MRPS7: variants seen among roughly 807,000 people sequenced by gnomAD.
MRPS7 encodes the protein small ribosomal subunit protein uS7m.
In MRPS7, 13 loss-of-function variants were observed where a neutral mutation model predicts 26.2. The ratio of observed to expected loss-of-function variants is 0.50; its 90% CI spans 0.32 to 0.79. The LOEUF is 0.79. Ranked by LOEUF, MRPS7 falls within the 30% of genes least tolerant of loss-of-function variation. The pLI, the probability that MRPS7 is intolerant of heterozygous loss-of-function variation, is 0.03. For missense variants in MRPS7, 318 were observed against 312.2 expected (o/e 1.02, Z -0.14); for synonymous variants, 129 against 113.3 (o/e 1.14, Z -0.88).
intron 1 of MRPS7, 138 bp from the exon 2 acceptor site, chr17:75,262,359 G>A (rs777200157): frequency 1.5e-5 from 14 of 944,936 alleles, no homozygotes; most frequent in Non-Finnish European, 1.9e-5. Context: ...GGCCTGAATT[G>A]TTGTGGCTCA....
At position 75,265,936 on chromosome 17, in the gene MRPS7, G is replaced by C; in HGVS notation, c.*13G>C. 1 of 1,611,810 alleles carries C rather than the reference G, an allele frequency of 6.2e-7. No homozygotes were observed. The highest frequency in any genetic ancestry group is 8.5e-7 in the Non-Finnish European group (1 of 1,178,978). On this transcript the variant is annotated 3_prime_UTR_variant, in exon 5 of 5. Coordinates refer to ENST00000245539, the MANE Select transcript of MRPS7 (RefSeq NM_015971.4). ...CCGCTGGTGGTAGAGTCTCCAGGAG[G>C]AGCCCAGGGCCCTCTGCCGCAAGAA...
rs907472360 is a variant in MRPS7 at position 75,261,935 on chromosome 17, G to A, written c.35G>A (p.Trp12Ter). The part of the protein sequence containing the change: ...AAPAVKVARG[W>*]SGLALGVRRA... ...CCCGCAGTGAAGGTTGCCCGAGGATGGTCGGGCCTGGCGTTGGGCGTGCGG... is the reference window on the plus strand; with the variant it reads ...CCCGCAGTGAAGGTTGCCCGAGGATAGTCGGGCCTGGCGTTGGGCGTGCGG... The change falls in exon 1 of 5, where the codon TGG becomes TAG. Residue 12 changes from tryptophan (W) to a stop codon, truncating the protein, a stop_gained. Coordinates refer to ENST00000245539, the MANE Select transcript of MRPS7 (RefSeq NM_015971.4). LOFTEE classifies it high-confidence loss of function. 2 of 1,608,862 alleles carry A rather than the reference G, an allele frequency of 1.2e-6. No individual in the cohort carries two copies. Among genetic ancestry groups the A allele is most frequent in the Non-Finnish European group, 1.7e-6 (2 of 1,179,880 alleles).
rs751364384 is a variant in MRPS7 at position 75,262,385 on chromosome 17, C to T, written c.84-112C>T. The T allele has an allele frequency of 1.4e-5, 17 of 1,235,726 alleles. No homozygotes were observed. The African/African-American group carries it at 2.3e-4, about 16-fold the overall frequency. The allele number at this position is 1,235,726 out of a possible 1,614,324, so 76.5% of individuals were successfully genotyped here. A position where few individuals can be genotyped will look rare whatever the true frequency, so the allele number is the denominator to read the frequency against. On this transcript the variant is annotated intron_variant, in intron 1 of 4. Transcript: ENST00000245539. Reference sequence around the variant, plus strand: ...TTGTGGCTCAGGTTTAGCTCGCGGTCTCCGCGCCGCTCCCCCTCGTCGGCG... The same window carrying T: ...TTGTGGCTCAGGTTTAGCTCGCGGTTTCCGCGCCGCTCCCCCTCGTCGGCG...
rs759411552 is a variant in MRPS7, at chr17:75,265,774, A to G, written c.580A>G (p.Lys194Glu). 4 of 1,614,204 alleles carry G rather than the reference A, an allele frequency of 2.5e-6. No individual in the cohort carries two copies. In the South Asian group the frequency reaches 4.4e-5, roughly 18 times the overall value. Reference sequence around the variant, plus strand: ...GTGGATGATCACTGAGTGCCGGGATAAAAAGCACCAGCGGACACTGATGCC... The same window carrying G: ...GTGGATGATCACTGAGTGCCGGGATGAAAAGCACCAGCGGACACTGATGCC... ...MKWMITECRDKKHQRTLMPEK... is the reference protein window; with the variant it reads ...MKWMITECRDEKHQRTLMPEK... The change falls in exon 5 of 5, where the codon AAA (lysine) becomes GAA (glutamate). Residue 194 changes from lysine to glutamate, a missense_variant. Transcript: ENST00000245539.
At chr17:75,262,898 T>C (rs1896271900) in intron 3 of MRPS7, 31 bp downstream of exon 3, 2 of 1,607,216 alleles carry the variant, frequency 1.2e-6, no homozygotes, top group Non-Finnish European at 8.5e-7. Context: ...CAGTCATCTT[T>C]CTTGCCCCCC....
Position 75,263,579 on chromosome 17 carries a change from G to C in MRPS7, c.507+72G>C, listed in dbSNP as rs564209756. The C allele has an allele frequency of 8.2e-6, 13 of 1,581,114 alleles. No homozygotes were observed. In the African/African-American group the frequency reaches 1.6e-4, roughly 20 times the overall value. Reference sequence around the variant, plus strand: ...ACAAGATAGGTGGTGCTTGGGAGTTGGGTCAAGATTGATAGCTTTCTAGCT... The same window carrying C: ...ACAAGATAGGTGGTGCTTGGGAGTTCGGTCAAGATTGATAGCTTTCTAGCT... On this transcript the variant is annotated intron_variant, in intron 4 of 4. Coordinates refer to ENST00000245539, the MANE Select transcript of MRPS7 (RefSeq NM_015971.4).
chr17:75,262,384 T>G, intron 1 of MRPS7, 113 bp from the exon 2 acceptor site: 1 of 1,206,216 alleles, frequency 8.3e-7, no homozygotes, highest in Non-Finnish European at 1.2e-6. Flanking sequence ...TAGCTCGCGG[T>G]CTCCGCGCCG....
Position 75,261,975 on chromosome 17 carries a change from G to A in MRPS7, c.75G>A (p.Gln25=), listed in dbSNP as rs756952693. The change falls in exon 1 of 5, where the codon CAG becomes CAA. Residue 25 remains glutamine, a synonymous_variant. Coordinates refer to ENST00000245539, the MANE Select transcript of MRPS7 (RefSeq NM_015971.4). ...LALGVRRAVL[Q]LPGLTQVRWS... is the part of the protein sequence containing the mutation. ...TGGGCGTGCGGCGGGCTGTCTTGCAGCTTCCAGGGTGAGAGGGTGGCGAGC... is the reference window on the plus strand; with the variant it reads ...TGGGCGTGCGGCGGGCTGTCTTGCAACTTCCAGGGTGAGAGGGTGGCGAGC... The A allele has an allele frequency of 1.1e-5, 18 of 1,598,634 alleles. No homozygotes were observed. The highest frequency in any genetic ancestry group is 1.3e-5 in the Non-Finnish European group (15 of 1,177,928).
intron 1 of MRPS7, 111 bp from the exon 2 acceptor site, chr17:75,262,386 T>C (rs754811329): frequency 8.1e-7 from 1 of 1,236,524 alleles, no homozygotes; most frequent in Non-Finnish European, 1.1e-6. Context: ...GCTCGCGGTC[T>C]CCGCGCCGCT....
In MRPS7 at chr17:75,262,595, A is replaced by G. The variant is rs888458200; in HGVS notation, c.182A>G (p.Glu61Gly). Residue 61 changes from glutamate to glycine, a missense_variant, in exon 2 of 5, where the codon GAG (glutamate) becomes GGG (glycine). By Grantham distance (98) the Glu-to-Gly change is moderately conservative (BLOSUM62 -2). Transcript: ENST00000245539. ...AAGCCAGTGGAGGAGCTAACTGAGGAGGAGAAATATGTTCGGGAGCTCAAG... is the reference window on the plus strand; with the variant it reads ...AAGCCAGTGGAGGAGCTAACTGAGGGGGAGAAATATGTTCGGGAGCTCAAG... ...YRKPVEELTE[E>G]EKYVRELKKT... 1.9e-6 allele frequency: 3 copies of G among 1,614,134 alleles called. No individual in the cohort carries two copies. The highest frequency in any genetic ancestry group is 1.7e-6 in the Non-Finnish European group (2 of 1,180,032).
intron 3 of MRPS7, 113 bp from the exon 4 acceptor site, chr17:75,263,227 G>C: frequency 7.7e-7 from 1 of 1,304,590 alleles, no homozygotes; most frequent in Non-Finnish European, 1.1e-6. Context: ...TGTGAGAGGA[G>C]CTGCATTGCC....
intron 4 of MRPS7, among the ~76,000 whole-genome samples, 194 bp from the exon 5 acceptor site, chr17:75,265,508 C>T (rs766953734): frequency 1.2e-4 from 19 of 152,124 alleles, no homozygotes; most frequent in South Asian, 6.2e-4. Flanking sequence ...GCTGAATGAA[C>T]GCCTCTTATG....
In MRPS7 at chr17:75,263,454, T is replaced by C. The variant is rs1489692784; in HGVS notation, c.454T>C (p.Cys152Arg). ...CATCTTCCATCAAGCACTGAAAAACTGTGAGCCTATGATTGGGCTGGTACC... is the reference window on the plus strand; with the variant it reads ...CATCTTCCATCAAGCACTGAAAAACCGTGAGCCTATGATTGGGCTGGTACC... ...YTIFHQALKN[C>R]EPMIGLVPIL... is the part of the protein sequence containing the mutation. The change falls in exon 4 of 5, where the codon TGT becomes CGT. Residue 152 changes from cysteine to arginine, a missense_variant. Transcript: ENST00000245539. 1.2e-6 allele frequency: 2 copies of C among 1,614,028 alleles called. No homozygotes were observed. Among genetic ancestry groups the C allele is most frequent in the Admixed American group, 3.3e-5 (2 of 60,014 alleles).
chr17:75,262,099 A>C, intron 1 of MRPS7, 116 bp downstream of exon 1: 1 of 1,248,126 alleles, frequency 8.0e-7, no homozygotes, highest in Non-Finnish European at 1.1e-6. Flanking sequence ...ATCTGGATTC[A>C]AGCTTCTAAG....
At chr17:75,262,153 C>G in intron 1 of MRPS7, 170 bp downstream of exon 1, 1 of 798,304 alleles carries the variant, frequency 1.3e-6, no homozygotes, top group Non-Finnish European at 2.0e-6. Flanking sequence ...TAGTGACTAC[C>G]TCTCGCCTAA....
At chr17:75,265,328 G>C (rs890440100) in intron 4 of MRPS7, among the ~76,000 whole-genome samples, 1 of 151,854 alleles carries the variant, frequency 6.6e-6, no homozygotes, top group South Asian at 2.1e-4. Flanking sequence ...GTGAACCATC[G>C]TGCCTGGCCT....
At position 75,265,975 on chromosome 17, in the gene MRPS7, C is replaced by G. The variant is rs1371687115; in HGVS notation, c.*52C>G. 1 of 1,548,030 alleles carries G rather than the reference C, an allele frequency of 6.5e-7. No individual in the cohort carries two copies. The highest frequency in any genetic ancestry group is 1.4e-5 in the African/African-American group (1 of 73,396). On this transcript the variant is annotated 3_prime_UTR_variant, in exon 5 of 5. Transcript: ENST00000245539. ...CTGCCGCAAGAAACAGTGTGAGCTACTGCCACGCTGAAAACTACCTGTGGG... is the reference window on the plus strand; with the variant it reads ...CTGCCGCAAGAAACAGTGTGAGCTAGTGCCACGCTGAAAACTACCTGTGGG...
At chr17:75,265,472 G>T (rs532502099) in intron 4 of MRPS7, among the ~76,000 whole-genome samples, 1 of 152,292 alleles carries the variant, frequency 6.6e-6, no homozygotes, top group Admixed American at 6.5e-5. Flanking sequence ...ACAGTGCCGG[G>T]AGAGGCCAGT....
intron 4 of MRPS7, among the ~76,000 whole-genome samples, chr17:75,264,675 T>C (rs2077458367): frequency 1.7e-5 from 1 of 57,872 alleles, no homozygotes; most frequent in Non-Finnish European, 7.2e-5. Flanking sequence ...GTTTTTAACT[T>C]TTTTTTTTTT....
Sources: allele counts gnomAD v4.1 joint callset (sites outside exome capture counted in the v4.1 genomes callset), GRCh38; gene constraint gnomAD v4.1.1; transcripts MANE v1.5; gene names NCBI Gene and HGNC (gene_info 2026-07-23, HGNC 2026-07-21).